Variants in ING4 observed in about 807,000 individuals in gnomAD.
The protein encoded by ING4 is inhibitor of growth family member 4.
ING4 carries 28 observed loss-of-function variants against 33.1 expected under a neutral mutation model. The ratio of observed to expected loss-of-function variants is 0.85; its 90% CI spans 0.63 to 1.16. ING4 has a LOEUF of 1.16. Ranked by LOEUF, ING4 falls within the 50% of genes most tolerant of loss-of-function variation. ING4 has a pLI of 0.00. For missense variants in ING4, 247 were observed against 314.7 expected, an observed-to-expected ratio of 0.78 and a Z score of 1.63; for synonymous variants, 87 against 104.4, an observed-to-expected ratio of 0.83 and a Z score of 1.02.
At chr12:6,658,386 T>C (rs578161178) in intron 1 of ING4, among the ~76,000 whole-genome samples, 1 of 152,182 alleles carries the variant, frequency 6.6e-6, no homozygotes, top group East Asian at 1.9e-4. Flanking sequence ...GAATGTCCTT[T>C]TTAAAAAATG....
chr12:6,663,035 C>T, intron 1 of ING4, 30 bp downstream of exon 1: 1 of 1,611,964 alleles, frequency 6.2e-7, no homozygotes, highest in Non-Finnish European at 8.5e-7. Context: ...CACTCTGCAG[C>T]CCCGACCCCC....
intron 2 of ING4, chr12:6,656,000 CT>C (rs1949340556): frequency 4.5e-6 from 2 of 444,482 alleles, no homozygotes; most frequent in Non-Finnish European, 9.0e-6. Flanking sequence ...TTTTTAAGGA[CT>C]TCTCATATAG....
chr12:6,650,996 G>A lies in ING4; in HGVS notation c.*199C>T. 1 of 637,370 alleles carries A rather than the reference G, an allele frequency of 1.6e-6. No individual in the cohort carries two copies. 39.5% of individuals were successfully genotyped at this position (637,370 alleles called of 1,614,324 possible). ...AGAGGGCTGAAGGAGAGCACATACC[G>A]TTAGTGGCTGCGGCACCCCTCCCTA... On this transcript the variant is annotated 3_prime_UTR_variant, in exon 8 of 8. Coordinates refer to ENST00000341550, the MANE Select transcript of ING4 (RefSeq NM_016162.4).
intron 1 of ING4, 152 bp downstream of exon 1, chr12:6,662,913 C>T (rs891603862): frequency 1.3e-5 from 11 of 830,174 alleles, no homozygotes; most frequent in Non-Finnish European, 1.9e-5. Context: ...TGCCCCGCCC[C>T]CTCTTTCTCC....
At chr12:6,658,167 C>A (rs945386402) in intron 1 of ING4, among the ~76,000 whole-genome samples, 6 of 151,532 alleles carry the variant, frequency 4.0e-5, no homozygotes, top group African/African-American at 1.5e-4. Context: ...ACCATTTTGG[C>A]CAGACTGGTC....
chr12:6,652,206 C>T, intron 6 of ING4, 65 bp downstream of exon 6: 4 of 1,547,654 alleles, frequency 2.6e-6, no homozygotes, highest in Non-Finnish European at 3.5e-6. Context: ...GTGGGATTTT[C>T]CCTCTTGTAC....
At chr12:6,657,743 A>G (rs1340475133) in intron 1 of ING4, 1 of 151,652 alleles carries the variant, frequency 6.6e-6, no homozygotes, top group Admixed American at 6.6e-5. Context: ...CAGCCTGGCC[A>G]ACATGGTGAA....
chr12:6,652,572 T>A, intron 5 of ING4, 90 bp downstream of exon 5: 4 of 1,398,138 alleles, frequency 2.9e-6, no homozygotes, highest in Non-Finnish European at 4.0e-6. Context: ...CGCAGACATA[T>A]AGAAAGCGGC....
At chr12:6,661,316 T>C (rs918917196) in intron 1 of ING4, among the ~76,000 whole-genome samples, 1 of 151,758 alleles carries the variant, frequency 6.6e-6, no homozygotes, top group Non-Finnish European at 1.5e-5. Flanking sequence ...CAGGCTGGTC[T>C]CGATCTCCTG....
intron 1 of ING4, among the ~76,000 whole-genome samples, chr12:6,662,612 A>G (rs1231645357): frequency 6.6e-6 from 1 of 152,204 alleles, no homozygotes; most frequent in Admixed American, 6.5e-5. Flanking sequence ...GAAGCGTTCT[A>G]GTTCATCATC....
At chr12:6,662,894 C>T (rs912669161) in intron 1 of ING4, among the ~76,000 whole-genome samples, 171 bp downstream of exon 1, 4 of 152,076 alleles carry the variant, frequency 2.6e-5, no homozygotes, top group African/African-American at 9.7e-5. Flanking sequence ...AGCGGGGCCT[C>T]GATCCTGCTG....
intron 6 of ING4, 26 bp downstream of exon 6, chr12:6,652,245 C>G: frequency 6.2e-7 from 1 of 1,609,466 alleles, no homozygotes; most frequent in Non-Finnish European, 8.5e-7. Context: ...TCACAACCCC[C>G]CATCCTAAGG....
At chr12:6,662,170 T>C (rs1949575507) in intron 1 of ING4, among the ~76,000 whole-genome samples, 2 of 152,132 alleles carry the variant, frequency 1.3e-5, no homozygotes, top group South Asian at 4.1e-4. Flanking sequence ...CTGGAATTCC[T>C]TTTTTCTCTC....
At chr12:6,656,192 A>G (rs893331253) in intron 2 of ING4, among the ~76,000 whole-genome samples, 12 of 149,288 alleles carry the variant, frequency 8.0e-5, no homozygotes, top group African/African-American at 3.0e-4. Context: ...TTTTTGAGAC[A>G]GAGTCTTGCT....
chr12:6,662,871 G>A (rs1379833033), intron 1 of ING4, among the ~76,000 whole-genome samples, 194 bp downstream of exon 1: 1 of 128,476 alleles, frequency 7.8e-6, no homozygotes, highest in Non-Finnish European at 1.7e-5. Flanking sequence ...CCCCTCCCTC[G>A]TCTACACCCA....
chr12:6,654,038 C>A (rs933136810), intron 2 of ING4, among the ~76,000 whole-genome samples: 1 of 151,956 alleles, frequency 6.6e-6, no homozygotes, highest in Non-Finnish European at 1.5e-5. Context: ...GCTTTTTCCA[C>A]GTTACCCAGG....
intron 2 of ING4, chr12:6,655,757 C>A: frequency 2.3e-6 from 1 of 442,138 alleles, no homozygotes; most frequent in Non-Finnish European, 4.4e-6. Context: ...CAGTCTGTTA[C>A]ATCCTTGAAC....
rs1949153204 is a variant in ING4 at position 6,650,705 on chromosome 12, C to T, written c.*490G>A. The T allele has an allele frequency of 6.1e-6, 1 of 164,016 alleles. No homozygotes were observed. Among genetic ancestry groups the T allele is most frequent in the Admixed American group, 5.7e-5 (1 of 17,454 alleles). 10.2% of individuals were successfully genotyped at this position (164,016 alleles called of 1,614,324 possible). ...CTCTTGGCACAGAGGAAGGGGTGCC[C>T]CTTCAACTAGGGCCAGAGCCTAGAT... On this transcript the variant is annotated 3_prime_UTR_variant, in exon 8 of 8. Transcript: ENST00000341550.
chr12:6,650,987 G>A lies in ING4; in HGVS notation c.*208C>T, dbSNP rs1949161385. The A allele has an allele frequency of 6.4e-6, 4 of 623,234 alleles. No individual in the cohort carries two copies. The highest frequency in any genetic ancestry group is 1.2e-5 in the Non-Finnish European group (4 of 347,546). The allele number at this position is 623,234 out of a possible 1,614,324, so 38.6% of individuals were successfully genotyped here. ...TCCGAAGGGAGAGGGCTGAAGGAGA[G>A]CACATACCGTTAGTGGCTGCGGCAC... On this transcript the variant is annotated 3_prime_UTR_variant, in exon 8 of 8. Coordinates refer to ENST00000341550, the MANE Select transcript of ING4 (RefSeq NM_016162.4).
Sources: allele counts gnomAD v4.1 joint callset (sites outside exome capture counted in the v4.1 genomes callset), GRCh38; gene constraint gnomAD v4.1.1; transcripts MANE v1.5; gene names NCBI Gene and HGNC (gene_info 2026-07-23, HGNC 2026-07-21).